Variants in GSE1 observed in about 807,000 individuals in gnomAD.
GSE1 encodes the protein genetic suppressor element 1.
A neutral mutation model predicts 112.6 loss-of-function variants in GSE1; 32 were observed. The ratio of observed to expected loss-of-function variants is 0.28; its 90% CI spans 0.21 to 0.38. GSE1 has a LOEUF of 0.38. Among genes scored for constraint, GSE1 ranks in the 10% least tolerant of loss-of-function variants. The pLI is 1.00. For synonymous variants in GSE1, 1,115 were observed against 735.6 expected (o/e 1.52, Z -8.35); for missense variants, 2,348 against 1,699.2 (o/e 1.38, Z -6.71).
intron 2 of GSE1, among the ~76,000 whole-genome samples, chr16:85,413,181 T>C (rs998630783): frequency 2.0e-5 from 3 of 152,094 alleles, no homozygotes; most frequent in African/African-American, 7.2e-5. Context: ...GAAGTGCCGC[T>C]CCCATCCGGG....
chr16:85,287,019 C>T (rs1437528261), intron 1 of GSE1, among the ~76,000 whole-genome samples: 1 of 152,242 alleles, frequency 6.6e-6, no homozygotes, highest in Non-Finnish European at 1.5e-5. Context: ...CCGGGTGCCG[C>T]CCGCCACAGC....
chr16:85,646,240 C>CTGCTTCTACCACGCATTCTACT (rs1316122693), intron 2 of GSE1, among the ~76,000 whole-genome samples: 2 of 148,052 alleles, frequency 1.4e-5, no homozygotes, highest in Non-Finnish European at 2.9e-5. Flanking sequence ...CGCATTCTAC[C>CTGCTTCTACCACGCATTCTACT]TGCTTCTACC....
chr16:85,249,965 C>G (rs968216234), intron 1 of GSE1, among the ~76,000 whole-genome samples: 1 of 152,248 alleles, frequency 6.6e-6, no homozygotes, highest in African/African-American at 2.4e-5. Flanking sequence ...GTTTCCTTGT[C>G]TGTAGCAGGG....
At chr16:85,545,649 C>T (rs2044669276) in intron 2 of GSE1, among the ~76,000 whole-genome samples, 1 of 152,148 alleles carries the variant, frequency 6.6e-6, no homozygotes, top group Non-Finnish European at 1.5e-5. Flanking sequence ...TAGACTTGCT[C>T]TTGTTGTGAA....
intron 1 of GSE1, among the ~76,000 whole-genome samples, chr16:85,288,855 G>C (rs2045120154): frequency 1.3e-5 from 2 of 152,180 alleles, no homozygotes; most frequent in Non-Finnish European, 2.9e-5. Flanking sequence ...GAGAGGGAGT[G>C]GGGGTAAAAT....
intron 1 of GSE1, among the ~76,000 whole-genome samples, chr16:85,330,737 C>T (rs1420199762): frequency 6.6e-6 from 1 of 152,170 alleles, no homozygotes; most frequent in Non-Finnish European, 1.5e-5. Context: ...CAGAGTCTGC[C>T]CCTCTCTGAG....
intron 1 of GSE1, among the ~76,000 whole-genome samples, chr16:85,353,989 G>T (rs2046901434): frequency 6.6e-6 from 1 of 152,166 alleles, no homozygotes; most frequent in Admixed American, 6.5e-5. Context: ...CCTGCCTCTG[G>T]CGCCTTGTGC....
At chr16:85,648,835 G>A (rs1405053197) in intron 3 of GSE1, 84 bp downstream of exon 3, 19 of 768,124 alleles carry the variant, frequency 2.5e-5, no homozygotes, top group East Asian at 1.2e-4. Flanking sequence ...TGGAGCTTTC[G>A]AGGTTGAGTT....
At chr16:85,617,858 G>A (rs918328158) in intron 1 of GSE1, among the ~76,000 whole-genome samples, 5 of 152,032 alleles carry the variant, frequency 3.3e-5, no homozygotes, top group Non-Finnish European at 7.4e-5. Flanking sequence ...TGCTTGCCCC[G>A]GAATTGGATG....
At chr16:85,624,936 G>A (rs375465569) in intron 1 of GSE1, among the ~76,000 whole-genome samples, 3 of 152,114 alleles carry the variant, frequency 2.0e-5, no homozygotes, top group South Asian at 2.1e-4. Flanking sequence ...TTTGCTGTTC[G>A]CAGCTTTGCT....
In GSE1 at chr16:85,332,770, G is replaced by A. The variant is rs145160658; in HGVS notation, c.2284-24693G>A. Among the ~76,000 whole-genome samples the A allele has an allele frequency of 9.2e-5, 14 of 152,108 alleles. No individual in the cohort carries two copies. In the East Asian group the frequency reaches 2.7e-3, roughly 29 times the overall value. ...TCCTGTCTACACCTCCCTCTGAAAC[G>A]CCCTTTCTCCCCCTCCAGCCTCTTC... On this transcript the variant is annotated intron_variant, in intron 1 of 2. Transcript: ENST00000637419.
chr16:85,429,419 A>G (rs1034635681), intron 2 of GSE1, among the ~76,000 whole-genome samples: 1 of 152,224 alleles, frequency 6.6e-6, no homozygotes, highest in African/African-American at 2.4e-5. Flanking sequence ...AGCCGAGTGC[A>G]GAGGAACCAA....
At chr16:85,292,657 G>A (rs1284838649) in intron 1 of GSE1, among the ~76,000 whole-genome samples, 27 of 151,582 alleles carry the variant, frequency 1.8e-4, no homozygotes, top group Non-Finnish European at 3.8e-4. Flanking sequence ...ATGGGGTTTC[G>A]ACATATTGGC....
At chr16:85,485,295 C>T (rs749893790) in intron 2 of GSE1, among the ~76,000 whole-genome samples, 4 of 152,200 alleles carry the variant, frequency 2.6e-5, no homozygotes, top group African/African-American at 7.2e-5. Context: ...GGCGTTGGTC[C>T]GGAGAGGGAG....
intron 1 of GSE1, among the ~76,000 whole-genome samples, chr16:85,275,484 C>T (rs948292355): frequency 2.0e-5 from 3 of 152,220 alleles, no homozygotes; most frequent in African/African-American, 4.8e-5. Context: ...TACCTCGGTG[C>T]GAGTCTCAGA....
At chr16:85,462,422 C>G (rs1347872232) in intron 2 of GSE1, among the ~76,000 whole-genome samples, 1 of 151,982 alleles carries the variant, frequency 6.6e-6, no homozygotes, top group Non-Finnish European at 1.5e-5. Flanking sequence ...TTCCTTCTCC[C>G]CCTCCTCCCT....
intron 2 of GSE1, among the ~76,000 whole-genome samples, chr16:85,448,449 G>C (rs1597788096): frequency 6.6e-6 from 1 of 152,322 alleles, no homozygotes; most frequent in East Asian, 1.9e-4. Flanking sequence ...TGCTTGCTGA[G>C]TGCCTACTGT....
chr16:85,516,457 CAAAAAAAAAA>C (rs71151299), intron 2 of GSE1, among the ~76,000 whole-genome samples: 5 of 69,446 alleles, frequency 7.2e-5, no homozygotes, highest in African/African-American at 2.0e-4. Flanking sequence ...CCCATCTCTA[CAAAAAAAAAA>C]AAAAAAAAAA....
chr16:85,204,246 C>G (rs921619999), intron 1 of GSE1, among the ~76,000 whole-genome samples: 20 of 152,216 alleles, frequency 1.3e-4, no homozygotes, highest in African/African-American at 4.8e-4. Flanking sequence ...TTTAGCTTCT[C>G]TCACTTTGCA....
Sources: gnomAD v4.1 joint callset for allele counts (sites outside exome capture counted in the v4.1 genomes callset) on GRCh38, gnomAD v4.1.1 for gene constraint, MANE v1.5 for transcripts, NCBI Gene and HGNC (gene_info 2026-07-23, HGNC 2026-07-21) for gene names.